LRRC27: variants seen among roughly 807,000 people sequenced by gnomAD.
LRRC27 encodes the protein leucine-rich repeat-containing protein 27.
In LRRC27, 57 loss-of-function variants were observed where a neutral mutation model predicts 55.0. The ratio of observed to expected loss-of-function variants is 1.04; its 90% confidence interval spans 0.84 to 1.29. The LOEUF is 1.29. Among genes scored for constraint, LRRC27 ranks in the 50% most tolerant of loss-of-function variants. The probability of loss-of-function intolerance (pLI) is 0.00; values close to 1 mark genes in which losing one functional copy is unlikely to be tolerated. For synonymous variants in LRRC27, 278 were observed against 251.9 expected, an observed-to-expected ratio of 1.10 and a Z score of -0.98; for missense variants, 721 against 651.5, an observed-to-expected ratio of 1.11 and a Z score of -1.16.
At position 132,374,035 on chromosome 10, in the gene LRRC27, C is replaced by T. The variant is rs551052538; in HGVS notation, c.1417-1031C>T. On this transcript the variant is annotated intron_variant, in intron 10 of 10. Coordinates refer to ENST00000368614, the MANE Select transcript of LRRC27 (RefSeq NM_030626.3). The surrounding 1 kb of genome is among the most constrained non-coding windows in gnomAD (Gnocchi z 4.4). ...TGAGTGCTGCTCTAGCCCACAGTTA[C>T]GATATGGGGGCGGGGGAGGCTGCAG... is the stretch of plus-strand genomic sequence containing the variant. 6.2e-4 allele frequency among the ~76,000 whole-genome samples: 95 copies of T among 152,090 alleles called. No homozygotes were observed. Among genetic ancestry groups the T allele is most frequent in the South Asian group, 2.9e-3 (14 of 4,824 alleles).
At chr10:132,330,789 C>T (rs1217957987), upstream of LRRC27, among the ~76,000 whole-genome samples, 1 of 150,974 alleles carries the variant, frequency 6.6e-6, no homozygotes, top group Non-Finnish European at 1.5e-5. Context: ...GGGTTACAGG[C>T]GTGAGCCATC....
In LRRC27 at chr10:132,348,929, G is replaced by A. The variant is rs533758434; in HGVS notation, c.926+573G>A. 1 of 1,506,220 alleles carries A rather than the reference G, an allele frequency of 6.6e-7. No individual in the cohort carries two copies. The highest frequency in any genetic ancestry group is 2.4e-5 in the East Asian group (1 of 41,528). The allele number at this position is 1,506,220 out of a possible 1,614,324, so 93.3% of individuals were successfully genotyped here. ...CCTTTGCCTTTGGTACAGTGAGTTTGGGGGCCGAGATTTTATTTTCCTTTC... is the reference window on the plus strand; with the variant it reads ...CCTTTGCCTTTGGTACAGTGAGTTTAGGGGCCGAGATTTTATTTTCCTTTC... On this transcript the variant is annotated intron_variant, in intron 6 of 10. Transcript: ENST00000368614. This position sits in a 1 kb window ranked among gnomAD's most constrained non-coding sequence, Gnocchi z 4.2.
At chr10:132,344,901 T>C (rs534770065) in intron 5 of LRRC27, 2 of 361,726 alleles carry the variant, frequency 5.5e-6, no homozygotes, top group East Asian at 8.3e-5. Context: ...TTTATTGTGA[T>C]CAATCAAATG....
chr10:132,370,473 T>A (rs1256077113), intron 10 of LRRC27, among the ~76,000 whole-genome samples: 2 of 152,176 alleles, frequency 1.3e-5, no homozygotes, highest in Non-Finnish European at 2.9e-5. Flanking sequence ...GAAGGGGTTT[T>A]AAAACTCCCA....
At chr10:132,343,459 C>G (rs1336417216) in intron 4 of LRRC27, among the ~76,000 whole-genome samples, 3 of 152,162 alleles carry the variant, frequency 2.0e-5, no homozygotes, top group Admixed American at 6.5e-5. Context: ...CTTCAAAGAA[C>G]AGAGAGAGAA....
rs1051871925 is a variant in LRRC27, at chr10:132,377,869, C to T, written c.*2627C>T. 6.6e-6 allele frequency: 1 copy of T among 152,208 alleles called. No individual in the cohort carries two copies. Among genetic ancestry groups the T allele is most frequent in the Admixed American group, 6.5e-5 (1 of 15,274 alleles). 9.4% of individuals were successfully genotyped at this position (152,208 alleles called of 1,614,324 possible). On this transcript the variant is annotated 3_prime_UTR_variant, in exon 11 of 11. Coordinates refer to ENST00000368614, the MANE Select transcript of LRRC27 (RefSeq NM_030626.3). ...AGATGGGCTCCACTGTCTTCTGGCT[C>T]CCATGTGTTTTGTTAAAAATTCAGT...
At chr10:132,343,777 C>T (rs907690041) in intron 4 of LRRC27, among the ~76,000 whole-genome samples, 3 of 152,240 alleles carry the variant, frequency 2.0e-5, no homozygotes, top group Non-Finnish European at 4.4e-5. Context: ...CACACTGAAC[C>T]CTGGCTCCCT....
At chr10:132,369,674 A>G (rs542266671) in intron 10 of LRRC27, among the ~76,000 whole-genome samples, 2 of 152,306 alleles carry the variant, frequency 1.3e-5, no homozygotes, top group South Asian at 2.1e-4. Context: ...GTGCCACCCC[A>G]CACATGAGCC....
At chr10:132,361,635 G>A in intron 9 of LRRC27, 60 bp downstream of exon 9, 1 of 1,248,118 alleles carries the variant, frequency 8.0e-7, no homozygotes, top group Non-Finnish European at 1.2e-6. Flanking sequence ...CCACGGGCAG[G>A]TGCTGTTGTT....
rs140219967 is a variant in LRRC27 at position 132,356,847 on chromosome 10, G to A, written c.1170+961G>A. 3.3e-4 allele frequency among the ~76,000 whole-genome samples: 50 copies of A among 152,396 alleles called. No individual in the cohort carries two copies. In the East Asian group the frequency reaches 9.2e-3, roughly 28 times the overall value. The stretch of plus-strand genomic sequence containing the variant: ...GTCCTGTGAGCATAGTCAGGCAAAT[G>A]TGCTGTTGAATTTGGTCATAGATGT... On this transcript the variant is annotated intron_variant, in intron 8 of 10. Coordinates refer to ENST00000368614, the MANE Select transcript of LRRC27 (RefSeq NM_030626.3).
chr10:132,347,809 G>A (rs145389379), intron 5 of LRRC27, among the ~76,000 whole-genome samples, 175 bp from the exon 6 acceptor site: 28 of 152,324 alleles, frequency 1.8e-4, no homozygotes, highest in African/African-American at 5.3e-4. Flanking sequence ...GCAGGCTGGC[G>A]TGGTGCAGGT....
chr10:132,363,675 A>C (rs2068754982), intron 9 of LRRC27, among the ~76,000 whole-genome samples: 1 of 151,674 alleles, frequency 6.6e-6, no homozygotes, highest in South Asian at 2.1e-4. Context: ...CCAGAGCAGA[A>C]GAGACCGTGG....
Position 132,361,692 on chromosome 10 carries a change from C to T in LRRC27, c.1289+117C>T, listed in dbSNP as rs545212616. 4.1e-5 allele frequency: 32 copies of T among 776,180 alleles called. No individual in the cohort carries two copies. Among genetic ancestry groups the T allele is most frequent in the African/African-American group, 1.9e-4 (11 of 57,668 alleles). 48.1% of individuals were successfully genotyped at this position (776,180 alleles called of 1,614,324 possible). On this transcript the variant is annotated intron_variant, in intron 9 of 10. Coordinates refer to ENST00000368614, the MANE Select transcript of LRRC27 (RefSeq NM_030626.3). ...GGAGCCCTGAAACTCCAGGCTGTGG[C>T]GGGCCCCAGGCTGTGGCGGGCTCCA...
At chr10:132,364,415 G>GCACTCACACCCA (rs1377624577) in intron 9 of LRRC27, among the ~76,000 whole-genome samples, 1 of 7,002 alleles carries the variant, frequency 1.4e-4, no homozygotes, top group Non-Finnish European at 3.3e-4. Context: ...CTCCACACCC[G>GCACTCACACCCA]CGCTTACACC....
chr10:132,344,486 CCTCCACT>C lies in LRRC27; in HGVS notation c.401-11_401-5del. The C allele has an allele frequency of 6.3e-7, 1 of 1,578,498 alleles. No individual in the cohort carries two copies. Among genetic ancestry groups the C allele is most frequent in the Non-Finnish European group, 8.6e-7 (1 of 1,161,182 alleles). On this transcript the variant is annotated splice_polypyrimidine_tract_variant and splice_region_variant and intron_variant, in intron 4 of 10. Transcript: ENST00000368614. ...TATAGAATGCTGACAGTTTTTTTTT[CCTCCACT>C]GCAGGGAGCGTAACCACGCTGAAAG...
At chr10:132,342,334 T>C (rs2067454988) in intron 4 of LRRC27, 63 bp downstream of exon 4, 1 of 1,055,482 alleles carries the variant, frequency 9.5e-7, no homozygotes. Context: ...CCAGACCTTG[T>C]AATGGAAGTA....
intron 7 of LRRC27, 101 bp downstream of exon 7, chr10:132,351,854 A>G: frequency 6.0e-6 from 8 of 1,324,158 alleles, no homozygotes; most frequent in Non-Finnish European, 8.2e-6. Context: ...GTGTTTAGTT[A>G]GTTCTCCCCT....
intron 8 of LRRC27, among the ~76,000 whole-genome samples, chr10:132,357,682 T>C (rs1310654653): frequency 6.6e-6 from 1 of 152,202 alleles, no homozygotes; most frequent in Admixed American, 6.5e-5. Context: ...GCTGCCACAG[T>C]TGTGCTTCTG....
intron 4 of LRRC27, among the ~76,000 whole-genome samples, chr10:132,343,719 G>A (rs1046385829): frequency 3.3e-5 from 5 of 152,250 alleles, no homozygotes; most frequent in Non-Finnish European, 5.9e-5. Context: ...AGCGAGCGCG[G>A]CTGAAAGGTG....
Sources: gnomAD v4.1 joint callset for allele counts (sites outside exome capture counted in the v4.1 genomes callset) on GRCh38, gnomAD v4.1.1 for gene constraint, Gnocchi (gnomAD v3.1) non-coding constraint, MANE v1.5 for transcripts, NCBI Gene and HGNC (gene_info 2026-07-23, HGNC 2026-07-21) for gene names.